SLC39A11: variants seen among roughly 807,000 people sequenced by gnomAD.
SLC39A11 encodes the protein zinc transporter ZIP11.
SLC39A11 carries 33 observed loss-of-function variants against 36.1 expected under a neutral mutation model. That is an observed-to-expected ratio of 0.91 (90% confidence interval 0.69 to 1.22). SLC39A11 has a LOEUF of 1.22. SLC39A11 is among the 50% of genes most tolerant of loss of function. The pLI is 0.00. For missense variants in SLC39A11, 432 were observed against 430.3 expected, an observed-to-expected ratio of 1.00 and a Z score of -0.03; for synonymous variants, 166 against 170.3, an observed-to-expected ratio of 0.97 and a Z score of 0.20.
At chr17:72,677,653 G>A (rs545882674) in intron 7 of SLC39A11, among the ~76,000 whole-genome samples, 2 of 152,286 alleles carry the variant, frequency 1.3e-5, no homozygotes, top group East Asian at 3.9e-4. Flanking sequence ...ATCACCTGGA[G>A]GGTTTGTTAA....
chr17:72,686,884 G>C (rs1238163801), intron 7 of SLC39A11, among the ~76,000 whole-genome samples: 1 of 152,236 alleles, frequency 6.6e-6, no homozygotes, highest in Non-Finnish European at 1.5e-5. Flanking sequence ...TAAAGGAAGA[G>C]CATGCTTGTG....
At chr17:73,041,700 A>G (rs1176635696) in intron 3 of SLC39A11, among the ~76,000 whole-genome samples, 1 of 152,286 alleles carries the variant, frequency 6.6e-6, no homozygotes, top group Non-Finnish European at 1.5e-5. Flanking sequence ...CTCAATTTTC[A>G]GAAATGTTTC....
At chr17:72,925,985 C>T (rs1342922889) in intron 5 of SLC39A11, among the ~76,000 whole-genome samples, 1 of 152,212 alleles carries the variant, frequency 6.6e-6, no homozygotes, top group East Asian at 1.9e-4. Flanking sequence ...GCCTGTTCCA[C>T]CCAGACAACT....
At chr17:72,940,291 T>TA (rs923839766) in intron 5 of SLC39A11, among the ~76,000 whole-genome samples, 1 of 151,800 alleles carries the variant, frequency 6.6e-6, no homozygotes, top group African/African-American at 2.4e-5. Context: ...TTTTTTTTTT[T>TA]TGAGATGGAG....
chr17:72,749,644 C>T lies in SLC39A11; in HGVS notation c.602-12925G>A, dbSNP rs376958471. On this transcript the variant is annotated intron_variant, in intron 6 of 9. Transcript: ENST00000255559. Reference sequence around the variant, plus strand: ...GCAGAGGTGGGCAGGCTCTCTGGTCCCCTTGGGAAACCGGGGCTGCAGATG... The same window carrying T: ...GCAGAGGTGGGCAGGCTCTCTGGTCTCCTTGGGAAACCGGGGCTGCAGATG... Among the ~76,000 whole-genome samples, 10 of 152,230 alleles carry T rather than the reference C, an allele frequency of 6.6e-5. 1 individual carries two copies. The East Asian group carries it at 1.5e-3, about 24-fold the overall frequency.
intron 5 of SLC39A11, among the ~76,000 whole-genome samples, chr17:72,938,699 C>T (rs904618643): frequency 6.6e-6 from 1 of 152,192 alleles, no homozygotes; most frequent in African/African-American, 2.4e-5. Context: ...CAGGAATATC[C>T]TAATGAAGGC....
At chr17:73,091,273 CA>C (rs1046517107) in intron 1 of SLC39A11, among the ~76,000 whole-genome samples, 1 of 151,960 alleles carries the variant, frequency 6.6e-6, no homozygotes, top group Non-Finnish European at 1.5e-5. Flanking sequence ...ACTAAAAACA[CA>C]AAAATTACTT....
chr17:72,845,233 C>A (rs2078997737), intron 6 of SLC39A11, among the ~76,000 whole-genome samples: 1 of 152,248 alleles, frequency 6.6e-6, no homozygotes, highest in African/African-American at 2.4e-5. Context: ...AATGGCTCAT[C>A]ACACACAGAG....
chr17:72,943,333 A>T (rs2085236492), intron 5 of SLC39A11, among the ~76,000 whole-genome samples: 1 of 152,204 alleles, frequency 6.6e-6, no homozygotes, highest in Admixed American at 6.5e-5. Flanking sequence ...TAGAAAACAA[A>T]GACACTCAGC....
At chr17:72,953,462 T>C (rs1479932382) in intron 4 of SLC39A11, among the ~76,000 whole-genome samples, 1 of 152,152 alleles carries the variant, frequency 6.6e-6, no homozygotes, top group Admixed American at 6.5e-5. Flanking sequence ...AAACAATATG[T>C]ATATCTCCTT....
intron 3 of SLC39A11, among the ~76,000 whole-genome samples, chr17:73,071,518 G>A (rs1457239557): frequency 6.6e-6 from 1 of 152,200 alleles, no homozygotes; most frequent in Non-Finnish European, 1.5e-5. Flanking sequence ...CTGGAAATCA[G>A]CCAGTTGGGA....
At chr17:73,050,879 T>C (rs563464609) in intron 3 of SLC39A11, among the ~76,000 whole-genome samples, 21 of 152,244 alleles carry the variant, frequency 1.4e-4, no homozygotes, top group African/African-American at 5.1e-4. Context: ...TGGACCAGTG[T>C]CATCAGTGCA....
chr17:72,767,007 C>G (rs1366050373), intron 6 of SLC39A11, among the ~76,000 whole-genome samples: 1 of 152,144 alleles, frequency 6.6e-6, no homozygotes, highest in Admixed American at 6.6e-5. Context: ...ACTTCTCCCC[C>G]AACTTCTCCC....
At chr17:72,961,247 C>G (rs1427321319) in intron 4 of SLC39A11, among the ~76,000 whole-genome samples, 3 of 152,148 alleles carry the variant, frequency 2.0e-5, no homozygotes, top group African/African-American at 7.2e-5. Context: ...AACAAAGATG[C>G]TGGAGAGGAC....
In SLC39A11 at chr17:72,805,811, C is replaced by A. The variant is rs185237624; in HGVS notation, c.601+43823G>T. 3.4e-3 allele frequency among the ~76,000 whole-genome samples: 511 copies of A among 150,118 alleles called. 2 individuals carry two copies. The highest frequency in any genetic ancestry group is 0.012 in the African/African-American group (488 of 40,678). On this transcript the variant is annotated intron_variant, in intron 6 of 9. Coordinates refer to ENST00000255559, the MANE Select transcript of SLC39A11 (RefSeq NM_139177.4). Reference sequence around the variant, plus strand: ...TTACCCAGGCTGGAGTGTAGTGGGGCGATCCTGGCTCACTGCAACCTCCGC... The same window carrying A: ...TTACCCAGGCTGGAGTGTAGTGGGGAGATCCTGGCTCACTGCAACCTCCGC...
At chr17:72,861,690 A>ATATATAT (rs2080028657) in intron 5 of SLC39A11, among the ~76,000 whole-genome samples, 1 of 75,686 alleles carries the variant, frequency 1.3e-5, no homozygotes, top group African/African-American at 5.9e-5. Context: ...TATATATATA[A>ATATATAT]AATATATATA....
At chr17:72,683,297 T>C in intron 7 of SLC39A11, among the ~76,000 whole-genome samples, 1 of 152,036 alleles carries the variant, frequency 6.6e-6, no homozygotes, top group East Asian at 1.9e-4. Context: ...ATGTCATGAT[T>C]TGCATTGGTT....
chr17:72,873,647 T>C (rs1414401903), intron 5 of SLC39A11, among the ~76,000 whole-genome samples: 2 of 152,122 alleles, frequency 1.3e-5, no homozygotes, highest in Non-Finnish European at 2.9e-5. Context: ...GTGCCCTCAA[T>C]TTCCCACCCC....
chr17:72,777,863 ATG>A (rs2076185735), intron 6 of SLC39A11, among the ~76,000 whole-genome samples: 1 of 140,972 alleles, frequency 7.1e-6, no homozygotes, highest in African/African-American at 2.6e-5. Flanking sequence ...GTATGTATGT[ATG>A]TATATATGTA....
Sources: gnomAD v4.1 joint callset for allele counts (sites outside exome capture counted in the v4.1 genomes callset) on GRCh38, gnomAD v4.1.1 for gene constraint, MANE v1.5 for transcripts, NCBI Gene and HGNC (gene_info 2026-07-23, HGNC 2026-07-21) for gene names.